PRKG1: variants seen among roughly 807,000 people sequenced by gnomAD.
PRKG1 encodes the protein cGMP-dependent protein kinase 1.
PRKG1 carries 35 observed loss-of-function variants against 88.1 expected under a neutral mutation model. The observed-to-expected ratio is 0.40, with a 90% CI of 0.30 to 0.53. The LOEUF (loss-of-function observed/expected upper bound fraction) is 0.53. PRKG1 is among the 20% of genes least tolerant of loss of function. The probability of loss-of-function intolerance (pLI) is 0.59; values close to 1 mark genes in which losing one functional copy is unlikely to be tolerated. For missense variants in PRKG1, 540 were observed against 839.8 expected (o/e 0.64, Z 4.41); for synonymous variants, 303 against 292.5 (o/e 1.04, Z -0.37).
intron 3 of PRKG1, among the ~76,000 whole-genome samples, chr10:51,777,157 T>A (rs2132555702): frequency 6.6e-6 from 1 of 152,234 alleles, no homozygotes; most frequent in Non-Finnish European, 1.5e-5. Flanking sequence ...TGTAGTAAGA[T>A]AGTGATAAGT....
At chr10:51,399,357 A>T (rs891400523) in intron 2 of PRKG1, among the ~76,000 whole-genome samples, 58 of 152,326 alleles carry the variant, frequency 3.8e-4, no homozygotes, top group Admixed American at 7.8e-4. Context: ...TGAATACAGC[A>T]TGCTGCCTGT....
intron 7 of PRKG1, among the ~76,000 whole-genome samples, chr10:52,097,015 T>C (rs894390391): frequency 6.6e-6 from 1 of 151,882 alleles, no homozygotes; most frequent in Non-Finnish European, 1.5e-5. Context: ...AGTTCCCATA[T>C]TCCATGGATT....
intron 3 of PRKG1, among the ~76,000 whole-genome samples, chr10:51,585,459 T>C (rs1838149399): frequency 6.6e-6 from 1 of 152,246 alleles, no homozygotes; most frequent in Non-Finnish European, 1.5e-5. Context: ...AAACTAATTG[T>C]CTTAATTTTA....
At chr10:51,729,561 G>A (rs1340126013) in intron 3 of PRKG1, among the ~76,000 whole-genome samples, 1 of 151,720 alleles carries the variant, frequency 6.6e-6, no homozygotes, top group East Asian at 1.9e-4. Flanking sequence ...ACAAAAATTA[G>A]CTGGGCATAG....
intron 9 of PRKG1, among the ~76,000 whole-genome samples, chr10:52,198,207 C>T (rs952084402): frequency 2.0e-5 from 3 of 152,234 alleles, no homozygotes; most frequent in East Asian, 1.9e-4. Context: ...TATATGGTTT[C>T]GAGAAACTAA....
chr10:51,559,174 T>G (rs1837392317), intron 3 of PRKG1, among the ~76,000 whole-genome samples: 1 of 152,048 alleles, frequency 6.6e-6, no homozygotes, highest in Non-Finnish European at 1.5e-5. Flanking sequence ...TTAGAAAGTA[T>G]CCCTTGCAGA....
intron 2 of PRKG1, among the ~76,000 whole-genome samples, chr10:51,385,275 C>T (rs755255457): frequency 1.3e-5 from 2 of 152,146 alleles, no homozygotes; most frequent in African/African-American, 2.4e-5. Flanking sequence ...AAAACATTCA[C>T]ACAGTGTATT....
intron 9 of PRKG1, among the ~76,000 whole-genome samples, chr10:52,245,027 T>A (rs1327108543): frequency 6.7e-6 from 1 of 149,632 alleles, no homozygotes; most frequent in Non-Finnish European, 1.5e-5. Context: ...GAATACTTTT[T>A]ATTTACTTTT....
chr10:51,972,754 C>G (rs1843740029), intron 5 of PRKG1, among the ~76,000 whole-genome samples: 1 of 152,226 alleles, frequency 6.6e-6, no homozygotes, highest in South Asian at 2.1e-4. Context: ...ACAGTTAAAG[C>G]TATTTCTCAT....
intron 7 of PRKG1, among the ~76,000 whole-genome samples, chr10:52,119,769 A>G (rs971375797): frequency 2.0e-5 from 3 of 152,218 alleles, no homozygotes; most frequent in Non-Finnish European, 4.4e-5. Context: ...TTTATAAAGA[A>G]CAGGAATTTA....
intron 3 of PRKG1, among the ~76,000 whole-genome samples, chr10:51,648,661 A>AT (rs985870822): frequency 6.6e-6 from 1 of 150,954 alleles, no homozygotes; most frequent in Non-Finnish European, 1.5e-5. Context: ...TTCTTTGAAC[A>AT]TTTTTTTTTA....
At chr10:51,387,096 C>T (rs1227903839) in intron 2 of PRKG1, among the ~76,000 whole-genome samples, 8 of 151,806 alleles carry the variant, frequency 5.3e-5, no homozygotes, top group East Asian at 1.9e-4. Context: ...AATTATTTTA[C>T]GAATGAAGAA....
chr10:51,126,884 G>C (rs910488586), intron 1 of PRKG1, among the ~76,000 whole-genome samples: 1 of 152,066 alleles, frequency 6.6e-6, no homozygotes, highest in Admixed American at 6.6e-5. Flanking sequence ...GTTAATAAAT[G>C]GTGCTGGGAA....
intron 3 of PRKG1, among the ~76,000 whole-genome samples, chr10:51,625,681 T>G (rs540139421): frequency 1.3e-5 from 2 of 151,734 alleles, no homozygotes; most frequent in East Asian, 3.9e-4. Context: ...ATGGGTGGAG[T>G]TTATGATATT....
chr10:51,382,951 A>G (rs751916331), intron 2 of PRKG1, among the ~76,000 whole-genome samples: 3 of 152,124 alleles, frequency 2.0e-5, no homozygotes, highest in Non-Finnish European at 4.4e-5. Flanking sequence ...AATTTGTGTC[A>G]TATGCCCACA....
rs576030239 is a variant in PRKG1 at position 51,293,013 on chromosome 10, G to C, written c.478+139683G>C. On this transcript the variant is annotated intron_variant, in intron 2 of 17. Coordinates refer to ENST00000373980, the MANE Select transcript of PRKG1 (RefSeq NM_006258.4). The stretch of plus-strand genomic sequence containing the variant: ...CCAATCTCTGCCCTCACAGTATCTT[G>C]GTTGGTTACATATTTGCTCTTACTT... 2.0e-5 allele frequency among the ~76,000 whole-genome samples: 3 copies of C among 152,076 alleles called. No homozygotes were observed. In the East Asian group the frequency reaches 5.8e-4, roughly 29 times the overall value.
At chr10:52,157,306 G>GAGATATATATATATATATATATAT (rs1289803162) in intron 8 of PRKG1, among the ~76,000 whole-genome samples, 14 of 125,926 alleles carry the variant, frequency 1.1e-4, no homozygotes, top group South Asian at 2.5e-4. Context: ...TGAGTTAGTT[G>GAGATATATATATATATATATATAT]ATATATATAT....
At chr10:51,298,931 G>T (rs2132235172) in intron 2 of PRKG1, among the ~76,000 whole-genome samples, 1 of 152,306 alleles carries the variant, frequency 6.6e-6, no homozygotes, top group East Asian at 1.9e-4. Context: ...TTGCATAAAT[G>T]TGTTAATATT....
At chr10:51,703,964 G>A (rs1841536881) in intron 3 of PRKG1, among the ~76,000 whole-genome samples, 1 of 151,832 alleles carries the variant, frequency 6.6e-6, no homozygotes, top group East Asian at 1.9e-4. Flanking sequence ...TGGTGAAATG[G>A]TGAAACCCCG....
Sources: allele counts gnomAD v4.1 joint callset (sites outside exome capture counted in the v4.1 genomes callset), GRCh38; gene constraint gnomAD v4.1.1; transcripts MANE v1.5; gene names NCBI Gene and HGNC (gene_info 2026-07-23, HGNC 2026-07-21).